The following PCDHGB1 variants were observed in gnomAD, a reference collection of about 807,000 sequenced individuals.
PCDHGB1 encodes protocadherin gamma-B1.
In PCDHGB1, 34 loss-of-function variants were observed where a neutral mutation model predicts 56.6. That is an observed-to-expected ratio of 0.60 (90% confidence interval 0.46 to 0.80). The LOEUF (loss-of-function observed/expected upper bound fraction) is 0.80, where lower values mean the gene tolerates loss of function less well. PCDHGB1 is among the 30% of genes least tolerant of loss of function. PCDHGB1 has a pLI of 0.00. For missense variants in PCDHGB1, 1,278 were observed against 1,204.6 expected (o/e 1.06, Z -0.90); for synonymous variants, 561 against 505.9 (o/e 1.11, Z -1.46).
chr5:141,399,106 T>C, intron 1 of PCDHGB1: 2 of 1,613,784 alleles, frequency 1.2e-6, no homozygotes, highest in Non-Finnish European at 1.7e-6. Context: ...GGTTGCACAA[T>C]GTACAGTTGA....
In PCDHGB1 at chr5:141,512,845, A is replaced by G. The variant is rs1166488780; in HGVS notation, c.*1672A>G. On this transcript the variant is annotated 3_prime_UTR_variant, in exon 4 of 4. Coordinates refer to ENST00000523390, the MANE Select transcript of PCDHGB1 (RefSeq NM_018922.3). ...CTCCCCCGTACTGACTTCTCCTATA[A>G]GCGCTTCTCTTCGCATAGTCACGTA... The G allele has an allele frequency of 6.6e-6, 1 of 152,156 alleles. No individual in the cohort carries two copies. Among genetic ancestry groups the G allele is most frequent in the African/African-American group, 2.4e-5 (1 of 41,380 alleles). 9.4% of individuals were successfully genotyped at this position (152,156 alleles called of 1,614,324 possible).
intron 1 of PCDHGB1, chr5:141,383,744 G>A: frequency 1.2e-6 from 2 of 1,613,886 alleles, no homozygotes; most frequent in South Asian, 1.1e-5. Flanking sequence ...TATTCTTTTC[G>A]GAAAATAACT....
chr5:141,350,786 T>C lies in PCDHGB1; in HGVS notation c.526T>C (p.Ser176Pro), dbSNP rs1758560057. 1.9e-6 allele frequency: 3 copies of C among 1,613,872 alleles called. No homozygotes were observed. Among genetic ancestry groups the C allele is most frequent in the South Asian group, 1.1e-5 (1 of 91,084 alleles). ...CACCATCAACCCCAATCAATACTTCTCTCTGTCAACGAAGGAAAGTCCTGA... is the reference window on the plus strand; with the variant it reads ...CACCATCAACCCCAATCAATACTTCCCTCTGTCAACGAAGGAAAGTCCTGA... ...LYTINPNQYF[S>P]LSTKESPDGS... The change falls in exon 1 of 4, where the codon TCT (serine) becomes CCT (proline). Residue 176 changes from serine (S) to proline (P), a missense_variant. Physicochemically the swap from Ser to Pro is moderately conservative, Grantham distance 74 (BLOSUM62 -1). Transcript: ENST00000523390.
rs763160633 is a variant in PCDHGB1 at position 141,418,261 on chromosome 5, G to A, written c.2409+65592G>A. 3 of 1,614,056 alleles carry A rather than the reference G, an allele frequency of 1.9e-6. No homozygotes were observed. In the South Asian group the frequency reaches 3.3e-5, roughly 18 times the overall value. Reference sequence around the variant, plus strand: ...TTAATGACCACGCCCCTCAATTCCGGAAAGATGAAATAAACTTAGAAATCA... The same window carrying A: ...TTAATGACCACGCCCCTCAATTCCGAAAAGATGAAATAAACTTAGAAATCA... On this transcript the variant is annotated intron_variant, in intron 1 of 3. Coordinates refer to ENST00000523390, the MANE Select transcript of PCDHGB1 (RefSeq NM_018922.3).
chr5:141,403,403 C>G (rs755177334), intron 1 of PCDHGB1: 2 of 1,614,066 alleles, frequency 1.2e-6, no homozygotes, highest in Non-Finnish European at 1.7e-6. Context: ...TCCTGGAGCA[C>G]GTTATCCACT....
intron 1 of PCDHGB1, among the ~76,000 whole-genome samples, chr5:141,455,425 A>G (rs2098822334): frequency 1.3e-5 from 2 of 152,168 alleles, no homozygotes; most frequent in African/African-American, 2.4e-5. Flanking sequence ...CGGGGCTCCA[A>G]AAGAGGAGGT....
chr5:141,398,842 C>T (rs2093712910), intron 1 of PCDHGB1: 2 of 1,613,974 alleles, frequency 1.2e-6, no homozygotes, highest in Non-Finnish European at 1.7e-6. Flanking sequence ...CAATGATAAT[C>T]CCCCGGTATT....
intron 1 of PCDHGB1, chr5:141,361,473 C>G (rs374176708): frequency 1.2e-6 from 2 of 1,614,024 alleles, no homozygotes; most frequent in Non-Finnish European, 1.7e-6. Context: ...CCGACGTCAA[C>G]GATAATGCCC....
At chr5:141,449,567 C>T (rs1412647192) in intron 1 of PCDHGB1, among the ~76,000 whole-genome samples, 2 of 133,846 alleles carry the variant, frequency 1.5e-5, no homozygotes, top group Non-Finnish European at 3.1e-5. Context: ...CCAGCCTGGG[C>T]GACAGAGCAA....
At chr5:141,386,334 G>A (rs1220929803) in intron 1 of PCDHGB1, among the ~76,000 whole-genome samples, 1 of 152,008 alleles carries the variant, frequency 6.6e-6, no homozygotes, top group Non-Finnish European at 1.5e-5. Context: ...ATCCAGAAGG[G>A]GTGGATGACA....
intron 1 of PCDHGB1, chr5:141,370,361 T>G (rs747397059): frequency 1.4e-5 from 22 of 1,517,974 alleles, no homozygotes; most frequent in Non-Finnish European, 1.7e-5. Context: ...TCTCCTCTCC[T>G]CGGATTTAGA....
rs2093886414 is a variant in PCDHGB1 at position 141,399,784 on chromosome 5, G to C, written c.2409+47115G>C. On this transcript the variant is annotated intron_variant, in intron 1 of 3. Transcript: ENST00000523390. ...GCGCGTGTTGGTGGGCGACCGAAAC[G>C]ACAACGCACCGCGGGTGCTGTACCC... The C allele has an allele frequency of 2.5e-6, 4 of 1,613,288 alleles. No homozygotes were observed. The East Asian group carries it at 6.7e-5, about 27-fold the overall frequency.
intron 1 of PCDHGB1, chr5:141,413,494 G>C: frequency 6.2e-7 from 1 of 1,614,042 alleles, no homozygotes; most frequent in Non-Finnish European, 8.5e-7. Flanking sequence ...CGCGCGGTGC[G>C]TGGTGAGTTT....
Position 141,432,837 on chromosome 5 carries a change from T to C in PCDHGB1, c.2410-61970T>C. On this transcript the variant is annotated intron_variant, in intron 1 of 3. Transcript: ENST00000523390. This position sits in a 1 kb window ranked among gnomAD's most constrained non-coding sequence, Gnocchi z 6.0. ...GAAACCTCAGACCTCACTCTGTACC[T>C]GGTGGTAGCGGTGGCCGCGGTCTCC... The C allele has an allele frequency of 6.2e-7, 1 of 1,614,180 alleles. No individual in the cohort carries two copies. Among genetic ancestry groups the C allele is most frequent in the Non-Finnish European group, 8.5e-7 (1 of 1,180,004 alleles).
At position 141,477,004 on chromosome 5, in the gene PCDHGB1, C is replaced by T. The variant is rs1390668803; in HGVS notation, c.2410-17803C>T. On this transcript the variant is annotated intron_variant, in intron 1 of 3. Coordinates refer to ENST00000523390, the MANE Select transcript of PCDHGB1 (RefSeq NM_018922.3). The surrounding 1 kb of genome is among the most constrained non-coding windows in gnomAD (Gnocchi z 4.9). ...GCGCCGGCGTGCGGCAACTATTCGC[C>T]TTAGACCTTGTAACCGGGATGCTGA... is the stretch of plus-strand genomic sequence containing the variant. 3 of 1,614,236 alleles carry T rather than the reference C, an allele frequency of 1.9e-6. No homozygotes were observed. The highest frequency in any genetic ancestry group is 2.5e-6 in the Non-Finnish European group (3 of 1,180,042).
chr5:141,380,578 G>A (rs532519748), intron 1 of PCDHGB1, among the ~76,000 whole-genome samples: 19 of 152,144 alleles, frequency 1.2e-4, no homozygotes, highest in African/African-American at 3.4e-4. Flanking sequence ...ATATCTTGGC[G>A]GTCTAGTAAA....
intron 1 of PCDHGB1, among the ~76,000 whole-genome samples, chr5:141,462,086 A>C (rs993185274): frequency 6.6e-6 from 1 of 151,410 alleles, no homozygotes; most frequent in Non-Finnish European, 1.5e-5. Flanking sequence ...GCCTCCCAAA[A>C]TGCTGGGATT....
intron 1 of PCDHGB1, chr5:141,362,028 C>T (rs749282896): frequency 6.2e-7 from 1 of 1,608,888 alleles, no homozygotes; most frequent in East Asian, 2.2e-5. Flanking sequence ...CAGCGCGTGC[C>T]TTGGGCGACA....
intron 1 of PCDHGB1, chr5:141,398,846 C>T (rs1589346275): frequency 3.7e-6 from 6 of 1,613,850 alleles, no homozygotes; most frequent in South Asian, 3.3e-5. Flanking sequence ...GATAATCCCC[C>T]GGTATTCAAC....
Sources: allele counts gnomAD v4.1 joint callset (sites outside exome capture counted in the v4.1 genomes callset), GRCh38; gene constraint gnomAD v4.1.1; non-coding constraint Gnocchi (gnomAD v3.1); transcripts MANE v1.5; gene names NCBI Gene and HGNC (gene_info 2026-07-23, HGNC 2026-07-21).